ASPRV1: variants seen among roughly 807,000 people sequenced by gnomAD.
The protein encoded by ASPRV1 is aspartic peptidase retroviral like 1.
In ASPRV1, 7 loss-of-function variants were observed where a neutral mutation model predicts 11.0. The ratio of observed to expected loss-of-function variants is 0.64; its 90% CI spans 0.36 to 1.20. The LOEUF is 1.20. Ranked by LOEUF, ASPRV1 falls within the 50% of genes most tolerant of loss-of-function variation. The pLI is 0.02. For synonymous variants in ASPRV1, 136 were observed against 138.4 expected (o/e 0.98, Z 0.12); for missense variants, 299 against 320.0 (o/e 0.93, Z 0.50).
the ASPRV1 span, among the ~76,000 whole-genome samples, chr2:69,946,103 G>A: frequency 1.2e-4 from 19 of 152,282 alleles, no homozygotes; most frequent in Non-Finnish European, 2.2e-4. Flanking sequence ...ACCAGTGGGC[G>A]TGGGAGAACC....
the ASPRV1 span, chr2:70,056,724 C>CTTTT: frequency 0.97 from 147,727 of 151,796 alleles, 71,985 homozygotes; most frequent in Non-Finnish European, 1. Context: ...TTTACAACTG[C>CTTTT]TTTTGTTTTG....
At chr2:70,072,799 C>T in the ASPRV1 span, among the ~76,000 whole-genome samples, 1 of 151,698 alleles carries the variant, frequency 6.6e-6, no homozygotes, top group African/African-American at 2.4e-5. Context: ...TGCCTGTAAT[C>T]CCAGCACTTC....
chr2:70,074,353 A>G, the ASPRV1 span, among the ~76,000 whole-genome samples: 1 of 150,044 alleles, frequency 6.7e-6, no homozygotes, highest in African/African-American at 2.4e-5. Flanking sequence ...CAGTGGCACA[A>G]TCTTGGCTCA....
At chr2:70,044,981 T>C in the ASPRV1 span, among the ~76,000 whole-genome samples, 1 of 152,226 alleles carries the variant, frequency 6.6e-6, no homozygotes, top group Non-Finnish European at 1.5e-5. Flanking sequence ...GCCTATGCTG[T>C]GATGAAGAAC....
the ASPRV1 span, among the ~76,000 whole-genome samples, chr2:70,071,098 C>A: frequency 6.6e-6 from 1 of 152,274 alleles, no homozygotes; most frequent in Admixed American, 6.5e-5. Flanking sequence ...TGCAGCAGGG[C>A]AGCAGCCTGA....
At chr2:69,948,701 G>A in the ASPRV1 span, among the ~76,000 whole-genome samples, 1 of 152,116 alleles carries the variant, frequency 6.6e-6, no homozygotes, top group Non-Finnish European at 1.5e-5. Flanking sequence ...CCCCGAGGGA[G>A]GGGGCTGCCC....
At chr2:70,056,625 A>AAAG in the ASPRV1 span, 1 of 145,210 alleles carries the variant, frequency 6.9e-6, no homozygotes, top group Admixed American at 8.5e-5. Context: ...AAAAAAAAAA[A>AAAG]GTGGTTAAAA....
the ASPRV1 span, among the ~76,000 whole-genome samples, chr2:69,981,855 G>C: frequency 6.6e-6 from 1 of 152,156 alleles, no homozygotes; most frequent in Non-Finnish European, 1.5e-5. Flanking sequence ...CACCATGCTC[G>C]GCTATTTTCT....
Position 69,961,005 on chromosome 2 carries a change from G to C in ASPRV1, c.432C>G (p.Val144=), listed in dbSNP as rs1427287974. 6.2e-7 allele frequency: 1 copy of C among 1,613,904 alleles called. No individual in the cohort carries two copies. Among genetic ancestry groups the C allele is most frequent in the Non-Finnish European group, 8.5e-7 (1 of 1,179,990 alleles). Reference sequence around the variant, plus strand: ...GCAGGGTGTCCAGATCGCCATCAGTGACCTCCTCCCACAAGTTTGGGTGGA... The same window carrying C: ...GCAGGGTGTCCAGATCGCCATCAGTCACCTCCTCCCACAAGTTTGGGTGGA... The part of the protein sequence containing the change: ...SVVHPNLWEE[V]TDGDLDTLQP... Residue 144 remains valine (V), a synonymous_variant, in exon 1 of 1, where the codon GTC becomes GTG. Coordinates refer to ENST00000320256, the MANE Select transcript of ASPRV1 (RefSeq NM_152792.4).
At chr2:69,948,556 A>G in the ASPRV1 span, among the ~76,000 whole-genome samples, 1 of 152,136 alleles carries the variant, frequency 6.6e-6, no homozygotes, top group East Asian at 1.9e-4. Flanking sequence ...TGCCTTTAGG[A>G]GGGATCAGTG....
At chr2:69,946,904 T>C in the ASPRV1 span, among the ~76,000 whole-genome samples, 1 of 152,148 alleles carries the variant, frequency 6.6e-6, no homozygotes. Flanking sequence ...GCAGTTCCTC[T>C]CATAGAGAGA....
the ASPRV1 span, among the ~76,000 whole-genome samples, chr2:70,085,317 C>T: frequency 6.6e-6 from 1 of 152,154 alleles, no homozygotes; most frequent in Non-Finnish European, 1.5e-5. Context: ...TCACTTCCCC[C>T]TCCCTATCCT....
the ASPRV1 span, among the ~76,000 whole-genome samples, chr2:70,072,906 A>AC: frequency 1.5e-4 from 23 of 150,826 alleles, no homozygotes; most frequent in African/African-American, 4.4e-4. Context: ...TAAAAAAAAA[A>AC]AAAAAAAAAA....
At chr2:70,006,116 C>A in the ASPRV1 span, among the ~76,000 whole-genome samples, 1 of 152,202 alleles carries the variant, frequency 6.6e-6, no homozygotes, top group Admixed American at 6.5e-5. Context: ...CATGCCCATG[C>A]CCATGTGCGC....
At chr2:70,054,653 A>C in the ASPRV1 span, among the ~76,000 whole-genome samples, 3 of 152,172 alleles carry the variant, frequency 2.0e-5, no homozygotes, top group Non-Finnish European at 2.9e-5. Context: ...GAACAGGAAA[A>C]CAGAGATGCT....
At chr2:69,996,315 C>T in the ASPRV1 span, among the ~76,000 whole-genome samples, 24 of 151,716 alleles carry the variant, frequency 1.6e-4, no homozygotes, top group African/African-American at 5.6e-4. Context: ...TTATGTGAGC[C>T]CAGGAGGTCA....
chr2:69,999,855 G>C, the ASPRV1 span, among the ~76,000 whole-genome samples: 1 of 140,820 alleles, frequency 7.1e-6, no homozygotes, highest in African/African-American at 2.7e-5. Context: ...GCCCTCCTCC[G>C]GGTCAGCACC....
chr2:70,023,011 C>A, the ASPRV1 span, among the ~76,000 whole-genome samples: 1 of 152,124 alleles, frequency 6.6e-6, no homozygotes, highest in South Asian at 2.1e-4. Context: ...AATACAGAAT[C>A]ATAAAATCCT....
chr2:69,948,077 G>A, the ASPRV1 span, among the ~76,000 whole-genome samples: 3 of 136,756 alleles, frequency 2.2e-5, no homozygotes, highest in Non-Finnish European at 4.5e-5. Context: ...GGGAGACCCC[G>A]TCTCTCAAAA....
Sources: gnomAD v4.1 joint callset for allele counts (sites outside exome capture counted in the v4.1 genomes callset) on GRCh38, gnomAD v4.1.1 for gene constraint, MANE v1.5 for transcripts, NCBI Gene and HGNC (gene_info 2026-07-23, HGNC 2026-07-21) for gene names.